Variants in THSD7A observed in about 807,000 individuals in gnomAD.
The protein encoded by THSD7A is thrombospondin type-1 domain-containing protein 7A.
Under a neutral mutation model 231.3 loss-of-function variants are expected in THSD7A, and 96 were observed. The ratio of observed to expected loss-of-function variants is 0.41; its 90% confidence interval spans 0.35 to 0.49. The LOEUF is 0.49. Among genes scored for constraint, THSD7A ranks in the 20% least tolerant of loss-of-function variants. The pLI, the probability that THSD7A is intolerant of heterozygous loss-of-function variation, is 0.05. For missense variants in THSD7A, 2,290 were observed against 2,070.2 expected, an observed-to-expected ratio of 1.11 and a Z score of -2.06; for synonymous variants, 940 against 743.3, an observed-to-expected ratio of 1.26 and a Z score of -4.30.
intron 6 of THSD7A, among the ~76,000 whole-genome samples, chr7:11,537,293 A>C (rs957537882): frequency 6.6e-6 from 1 of 152,206 alleles, no homozygotes; most frequent in Non-Finnish European, 1.5e-5. Context: ...TGGATACTAA[A>C]GTCAATGATA....
intron 16 of THSD7A, 75 bp downstream of exon 16, chr7:11,424,621 C>G (rs191480554): frequency 3.8e-6 from 6 of 1,577,658 alleles, no homozygotes; most frequent in Non-Finnish European, 5.2e-6. Flanking sequence ...GAGGAGTGAA[C>G]AGTCATGTTG....
At position 11,473,515 on chromosome 7, in the gene THSD7A, T is replaced by C. The variant is rs550212758; in HGVS notation, c.2252+819A>G. ...AAAAATCGACTCATTTATCATTTCA[T>C]ATCTTACATGGCTAAGGTGATTTGA... On this transcript the variant is annotated intron_variant, in intron 8 of 27. Transcript: ENST00000423059. Among the ~76,000 whole-genome samples the C allele has an allele frequency of 2.0e-5, 3 of 152,320 alleles. No individual in the cohort carries two copies. The South Asian group carries it at 6.2e-4, about 32-fold the overall frequency.
chr7:11,524,573 A>T (rs1562684430), intron 6 of THSD7A, among the ~76,000 whole-genome samples: 1 of 152,198 alleles, frequency 6.6e-6, no homozygotes, highest in African/African-American at 2.4e-5. Flanking sequence ...TAGAGAGGTC[A>T]TTTAGCTGTG....
chr7:11,580,827 A>G (rs1791126825), intron 4 of THSD7A, among the ~76,000 whole-genome samples: 1 of 152,110 alleles, frequency 6.6e-6, no homozygotes, highest in African/African-American at 2.4e-5. Context: ...TCTGTACAAC[A>G]AACCCCCATG....
intron 4 of THSD7A, among the ~76,000 whole-genome samples, chr7:11,545,343 G>A (rs1440813841): frequency 1.3e-5 from 2 of 152,044 alleles, no homozygotes; most frequent in Non-Finnish European, 2.9e-5. Context: ...ATGAAATTGT[G>A]AGGAATCTTA....
At chr7:11,793,381 G>C (rs1784018881) in intron 1 of THSD7A, among the ~76,000 whole-genome samples, 1 of 151,792 alleles carries the variant, frequency 6.6e-6, no homozygotes, top group African/African-American at 2.4e-5. Flanking sequence ...GAGTGAACTT[G>C]AAAACATTTC....
At chr7:11,595,566 G>A (rs191970745) in intron 2 of THSD7A, among the ~76,000 whole-genome samples, 93 of 152,278 alleles carry the variant, frequency 6.1e-4, no homozygotes, top group Non-Finnish European at 1.0e-3. Context: ...GTAGAGGAAG[G>A]GATCCAAAGG....
At chr7:11,819,840 T>G (rs6460849) in intron 1 of THSD7A, among the ~76,000 whole-genome samples, 1 of 151,922 alleles carries the variant, frequency 6.6e-6, no homozygotes, top group African/African-American at 2.4e-5. Flanking sequence ...TGTAGTAATA[T>G]TGGTTCATCA....
At chr7:11,775,423 C>T (rs532196069) in intron 1 of THSD7A, among the ~76,000 whole-genome samples, 2 of 152,154 alleles carry the variant, frequency 1.3e-5, no homozygotes, top group Non-Finnish European at 2.9e-5. Flanking sequence ...TCACAATAGT[C>T]CAAAAGTGGA....
At chr7:11,395,524 T>G (rs2115341486) in intron 23 of THSD7A, among the ~76,000 whole-genome samples, 1 of 133,680 alleles carries the variant, frequency 7.5e-6, no homozygotes, top group East Asian at 2.3e-4. Context: ...TATGCATTCT[T>G]TTTTTTTTTT....
chr7:11,418,346 C>A (rs1784030722), intron 16 of THSD7A, among the ~76,000 whole-genome samples: 1 of 152,144 alleles, frequency 6.6e-6, no homozygotes. Flanking sequence ...TCATGAAGGG[C>A]TCCTTATTCA....
chr7:11,583,612 G>A (rs1791266558), intron 4 of THSD7A, among the ~76,000 whole-genome samples: 2 of 151,968 alleles, frequency 1.3e-5, no homozygotes, highest in African/African-American at 4.8e-5. Context: ...TTTCAATCTT[G>A]GGAGTCTAAT....
chr7:11,586,420 G>A lies in THSD7A; in HGVS notation c.1453+4040C>T, dbSNP rs556253780. ...TTAAGGATTGCATCTGAGAATCTATGGAGACTCTCTTAGGTATCAGCGACA... is the reference window on the plus strand; with the variant it reads ...TTAAGGATTGCATCTGAGAATCTATAGAGACTCTCTTAGGTATCAGCGACA... On this transcript the variant is annotated intron_variant, in intron 4 of 27. Transcript: ENST00000423059. 1.9e-3 allele frequency among the ~76,000 whole-genome samples: 284 copies of A among 152,208 alleles called. 2 individuals carry two copies. The highest frequency in any genetic ancestry group is 0.014 in the Middle Eastern group (4 of 294).
intron 9 of THSD7A, among the ~76,000 whole-genome samples, chr7:11,467,286 A>C (rs891345502): frequency 1.3e-5 from 2 of 152,062 alleles, no homozygotes; most frequent in Non-Finnish European, 2.9e-5. Flanking sequence ...CTCTGACATG[A>C]TTATTCCATT....
chr7:11,542,927 G>A, intron 5 of THSD7A, 35 bp downstream of exon 5: 1 of 1,586,314 alleles, frequency 6.3e-7, no homozygotes, highest in East Asian at 2.3e-5. Context: ...TACAATTGGT[G>A]GGTATAAAAG....
At chr7:11,397,464 G>A (rs1783232174) in intron 23 of THSD7A, among the ~76,000 whole-genome samples, 1 of 152,164 alleles carries the variant, frequency 6.6e-6, no homozygotes, top group Non-Finnish European at 1.5e-5. Context: ...AACCGTAGAA[G>A]AAAACCTAGG....
At chr7:11,820,574 C>A in intron 1 of THSD7A, 1 of 720,356 alleles carries the variant, frequency 1.4e-6, no homozygotes, top group Admixed American at 2.4e-5. Context: ...TGTTATTGTT[C>A]CCAGAGTAGT....
intron 1 of THSD7A, among the ~76,000 whole-genome samples, chr7:11,826,687 C>T (rs1050833185): frequency 1.1e-4 from 16 of 151,942 alleles, no homozygotes; most frequent in Non-Finnish European, 5.9e-5. Flanking sequence ...TGGCGGGCAC[C>T]TGTAACCCTA....
intron 6 of THSD7A, among the ~76,000 whole-genome samples, chr7:11,498,097 T>C (rs1787179071): frequency 6.6e-6 from 1 of 152,092 alleles, no homozygotes; most frequent in Non-Finnish European, 1.5e-5. Flanking sequence ...TAGCTGCAGC[T>C]CCATCAAAGT....
Sources: gnomAD v4.1 joint callset for allele counts (sites outside exome capture counted in the v4.1 genomes callset) on GRCh38, gnomAD v4.1.1 for gene constraint, MANE v1.5 for transcripts, NCBI Gene and HGNC (gene_info 2026-07-23, HGNC 2026-07-21) for gene names.